Variants in ALG12 observed in about 807,000 individuals in gnomAD.
ALG12 encodes dol-P-Man:Man(7)GlcNAc(2)-PP-Dol alpha-1,6-mannosyltransferase.
A neutral mutation model predicts 46.0 loss-of-function variants in ALG12; 36 were observed. The ratio of observed to expected loss-of-function variants is 0.78; its 90% CI spans 0.60 to 1.03. ALG12 has a LOEUF of 1.03. ALG12 is among the 50% of genes least tolerant of loss of function. ALG12 has a pLI of 0.00. For missense variants in ALG12, 599 were observed against 633.5 expected, an observed-to-expected ratio of 0.95 and a Z score of 0.58; for synonymous variants, 326 against 291.6, an observed-to-expected ratio of 1.12 and a Z score of -1.20.
Position 49,903,348 on chromosome 22 carries a change from C to G in ALG12, c.*490G>C. 2.2e-6 allele frequency: 1 copy of G among 457,806 alleles called. No individual in the cohort carries two copies. Among genetic ancestry groups the G allele is most frequent in the Non-Finnish European group, 4.4e-6 (1 of 228,212 alleles). The allele number at this position is 457,806 out of a possible 1,614,324, so 28.4% of individuals were successfully genotyped here. ...AATACAAAAGTTGCAGTGGTGGCAC[C>G]AGGGTGGGGGGGTGCGGCCGGGGCC... On this transcript the variant is annotated 3_prime_UTR_variant, in exon 10 of 10. Coordinates refer to ENST00000330817, the MANE Select transcript of ALG12 (RefSeq NM_024105.4).
At chr22:49,886,083 C>T in the ALG12 span, 2 of 680,588 alleles carry the variant, frequency 2.9e-6, no homozygotes, top group Non-Finnish European at 5.4e-6. The surrounding 1 kb of genome is among the most constrained non-coding windows in gnomAD (Gnocchi z 7.7). Flanking sequence ...GCATCACCGT[C>T]ACCGACAACG....
the ALG12 span, among the ~76,000 whole-genome samples, chr22:49,864,129 G>A: frequency 6.6e-5 from 10 of 152,348 alleles, no homozygotes; most frequent in East Asian, 3.9e-4. Flanking sequence ...TGGGTTGGCC[G>A]CTGGTTCTAG....
the ALG12 span, among the ~76,000 whole-genome samples, chr22:49,861,894 G>T: frequency 6.6e-6 from 1 of 152,148 alleles, no homozygotes; most frequent in African/African-American, 2.4e-5. Context: ...TGTTCGTAGC[G>T]TGTGGTTGCT....
intron 1 of ALG12, among the ~76,000 whole-genome samples, chr22:49,917,043 G>A (rs1008148903): frequency 6.6e-6 from 1 of 152,170 alleles, no homozygotes; most frequent in East Asian, 1.9e-4. Flanking sequence ...GCTCACTTTC[G>A]AGGGCATGAG....
chr22:49,865,812 T>C, the ALG12 span, among the ~76,000 whole-genome samples: 2 of 152,170 alleles, frequency 1.3e-5, no homozygotes, highest in East Asian at 1.9e-4. Flanking sequence ...TCTGCATTCA[T>C]TGTGCTCGAA....
chr22:49,893,735 AAAT>A, the ALG12 span, among the ~76,000 whole-genome samples: 1 of 152,208 alleles, frequency 6.6e-6, no homozygotes, highest in African/African-American at 2.4e-5. Flanking sequence ...AAAGCTAAAT[AAAT>A]AATAGACTGC....
the ALG12 span, among the ~76,000 whole-genome samples, chr22:49,867,954 T>C: frequency 6.6e-6 from 1 of 152,216 alleles, no homozygotes; most frequent in Non-Finnish European, 1.5e-5. Flanking sequence ...GAATATCTCA[T>C]GTAAGAGTGT....
rs2060517551 is a variant in ALG12 at position 49,902,514 on chromosome 22, C to CGGTGTGTGG, written c.*1323_*1324insCCACACACC. On this transcript the variant is annotated 3_prime_UTR_variant, in exon 10 of 10. Transcript: ENST00000330817. The stretch of plus-strand genomic sequence containing the variant: ...TATGCATGGTGTGTGCACATGTGCA[C>CGGTGTGTGG]TGTGTATGCATGGTAATGTGCACGC... 8.5e-6 allele frequency: 1 copy of CGGTGTGTGG among 118,250 alleles called. No individual in the cohort carries two copies. Among genetic ancestry groups the CGGTGTGTGG allele is most frequent in the African/African-American group, 4.4e-5 (1 of 22,674 alleles). 7.3% of individuals were successfully genotyped at this position (118,250 alleles called of 1,614,324 possible).
chr22:49,893,753 A>G, the ALG12 span, among the ~76,000 whole-genome samples: 1 of 152,208 alleles, frequency 6.6e-6, no homozygotes, highest in Non-Finnish European at 1.5e-5. Flanking sequence ...GACTGCCTAA[A>G]ACTATCTCTT....
At chr22:49,883,510 A>G in the ALG12 span, 3 of 1,077,192 alleles carry the variant, frequency 2.8e-6, no homozygotes, top group Non-Finnish European at 3.8e-6. Context: ...TCTTTTTTTC[A>G]GTACTATTTA....
chr22:49,916,223 T>C (rs2146618816), intron 1 of ALG12, among the ~76,000 whole-genome samples: 1 of 152,068 alleles, frequency 6.6e-6, no homozygotes, highest in East Asian at 1.9e-4. Context: ...ACTGCACTCC[T>C]GCCTGGGCGA....
At chr22:49,880,455 C>G in the ALG12 span, among the ~76,000 whole-genome samples, 1 of 152,254 alleles carries the variant, frequency 6.6e-6, no homozygotes, top group Non-Finnish European at 1.5e-5. Flanking sequence ...ACTCCCCGCC[C>G]CGCAGCCTGG....
the ALG12 span, chr22:49,884,601 C>T: frequency 1.9e-6 from 3 of 1,612,336 alleles, no homozygotes; most frequent in Non-Finnish European, 2.5e-6. Context: ...TGAACGAGTT[C>T]AGCCGGGGGA....
chr22:49,882,140 C>T, the ALG12 span, among the ~76,000 whole-genome samples: 1 of 152,222 alleles, frequency 6.6e-6, no homozygotes, highest in Non-Finnish European at 1.5e-5. Flanking sequence ...CAGCTCCTCC[C>T]TGTGGGGGTG....
chr22:49,883,653 A>T, the ALG12 span: 99 of 1,547,246 alleles, frequency 6.4e-5, no homozygotes, highest in Non-Finnish European at 8.0e-5. Flanking sequence ...CGGAGTAGTT[A>T]TGGTCAGTCA....
chr22:49,863,472 C>A, the ALG12 span, among the ~76,000 whole-genome samples: 2 of 152,130 alleles, frequency 1.3e-5, no homozygotes, highest in Non-Finnish European at 2.9e-5. Context: ...ACTAAAAATA[C>A]AAAAATTAGC....
chr22:49,915,704 C>T (rs1041421159), intron 1 of ALG12, among the ~76,000 whole-genome samples: 3 of 152,180 alleles, frequency 2.0e-5, no homozygotes, highest in Non-Finnish European at 2.9e-5. Flanking sequence ...AGCTTTTTGA[C>T]GGTGGGGGGT....
intron 3 of ALG12, among the ~76,000 whole-genome samples, chr22:49,911,117 T>C (rs1276640279): frequency 6.6e-6 from 1 of 152,182 alleles, no homozygotes; most frequent in African/African-American, 2.4e-5. Flanking sequence ...AGGGGGCAGG[T>C]GTGCCCAGGA....
chr22:49,893,401 A>G, the ALG12 span, among the ~76,000 whole-genome samples: 1 of 152,180 alleles, frequency 6.6e-6, no homozygotes, highest in Non-Finnish European at 1.5e-5. Context: ...GAAAGAGACA[A>G]CCTTAAGCAG....
Sources: allele counts gnomAD v4.1 joint callset (sites outside exome capture counted in the v4.1 genomes callset), GRCh38; gene constraint gnomAD v4.1.1; non-coding constraint Gnocchi (gnomAD v3.1); transcripts MANE v1.5; gene names NCBI Gene and HGNC (gene_info 2026-07-23, HGNC 2026-07-21).